The following ZFP62 variants were observed in gnomAD, a reference collection of about 807,000 sequenced individuals.
ZFP62 encodes zinc finger protein 62 homolog.
In ZFP62, 44 loss-of-function variants were observed where a neutral mutation model predicts 56.4. That is an observed-to-expected ratio of 0.78 (90% confidence interval 0.61 to 1.00). The LOEUF (loss-of-function observed/expected upper bound fraction) is 1.00. Among genes scored for constraint, ZFP62 ranks in the 50% least tolerant of loss-of-function variants. ZFP62 has a pLI of 0.00. For missense variants in ZFP62, 1,030 were observed against 1,085.7 expected (o/e 0.95, Z 0.72); for synonymous variants, 421 against 388.9 (o/e 1.08, Z -0.97).
the ZFP62 span, chr5:180,831,320 G>C: frequency 6.6e-6 from 1 of 152,374 alleles, no homozygotes; most frequent in African/African-American, 2.4e-5. Context: ...TCCTCCGCTT[G>C]CGGGAGCCGG....
At chr5:180,842,398 C>T in the ZFP62 span, among the ~76,000 whole-genome samples, 2 of 152,092 alleles carry the variant, frequency 1.3e-5, no homozygotes, top group African/African-American at 2.4e-5. Context: ...AAAAAAGGAT[C>T]ACTTATAAAA....
At chr5:180,838,460 G>A in the ZFP62 span, among the ~76,000 whole-genome samples, 1 of 152,200 alleles carries the variant, frequency 6.6e-6, no homozygotes, top group African/African-American at 2.4e-5. Context: ...TGAAATCTTT[G>A]CTCTAAAGGA....
Position 180,849,578 on chromosome 5 carries a change from G to A in ZFP62, c.1917C>T (p.His639=). ...CACATTCATAGGGTTTCTCTCTAGT[G>A]TGGACCCTTCTGTGCTGAGAAAGGA... ...TSLLSQHRRV[H]TREKPYECDR... Residue 639 remains histidine (H), a synonymous_variant, in exon 2 of 2, where the codon CAC becomes CAT. Coordinates refer to ENST00000502412, the MANE Select transcript of ZFP62 (RefSeq NM_001172638.2). The A allele has an allele frequency of 6.4e-7, 1 of 1,552,116 alleles. No individual in the cohort carries two copies. Among genetic ancestry groups the A allele is most frequent in the Non-Finnish European group, 8.7e-7 (1 of 1,147,112 alleles).
chr5:180,858,870 C>T (rs1250772063), intron 1 of ZFP62, among the ~76,000 whole-genome samples: 1 of 152,304 alleles, frequency 6.6e-6, no homozygotes, highest in African/African-American at 2.4e-5. Flanking sequence ...TTTCAACACG[C>T]AGCATGAGTC....
At position 180,847,690 on chromosome 5, in the gene ZFP62, G is replaced by C. The variant is rs1468634952; in HGVS notation, c.*1102C>G. 1.0e-6 allele frequency: 1 copy of C among 985,300 alleles called. No individual in the cohort carries two copies. The highest frequency in any genetic ancestry group is 1.2e-6 in the Non-Finnish European group (1 of 829,932). The allele number at this position is 985,300 out of a possible 1,614,324, so 61.0% of individuals were successfully genotyped here. On this transcript the variant is annotated 3_prime_UTR_variant, in exon 2 of 2. Coordinates refer to ENST00000502412, the MANE Select transcript of ZFP62 (RefSeq NM_001172638.2). ...CTGGCTTTCATGACAAAGAGAGAGT[G>C]AGCCCTGAACAAAGTATTCGTTAAC...
At position 180,848,991 on chromosome 5, in the gene ZFP62, G is replaced by A. The variant is rs767145674; in HGVS notation, c.2504C>T (p.Thr835Ile). ...ATTACATCGGTATGGCTTCTTTCCAGTGTGGATCCTTTTGTGCTGGTCAAG... is the reference window on the plus strand; with the variant it reads ...ATTACATCGGTATGGCTTCTTTCCAATGTGGATCCTTTTGTGCTGGTCAAG... ...SVLDQHKRIH[T>I]GKKPYRCNEC... is the part of the protein sequence containing the mutation. The change falls in exon 2 of 2, where the codon ACT becomes ATT. Residue 835 changes from threonine to isoleucine, a missense_variant. Thr to Ile is a moderately conservative substitution (Grantham distance 89). Transcript: ENST00000502412. 6 of 1,551,720 alleles carry A rather than the reference G, an allele frequency of 3.9e-6. 1 individual carries two copies. The South Asian group carries it at 4.8e-5, about 12-fold the overall frequency.
rs780787070 is a variant in ZFP62, at chr5:180,850,061, C to T, written c.1434G>A (p.Lys478=). ...TATAGGCTTTCCCACACACATCACA[C>T]TTATATGGTTTTTCCCCAGTATGGA... ...RRLHTGEKPY[K]CDVCGKAYIS... is the part of the protein sequence containing the mutation. The change falls in exon 2 of 2, where the codon AAG becomes AAA. Residue 478 remains lysine, a synonymous_variant. Coordinates refer to ENST00000502412, the MANE Select transcript of ZFP62 (RefSeq NM_001172638.2). 11 of 1,551,614 alleles carry T rather than the reference C, an allele frequency of 7.1e-6. No individual in the cohort carries two copies. The highest frequency in any genetic ancestry group is 9.6e-6 in the Non-Finnish European group (11 of 1,147,030).
At chr5:180,844,008 GA>G (rs1773364007), downstream of ZFP62, among the ~76,000 whole-genome samples, 1 of 152,170 alleles carries the variant, frequency 6.6e-6, no homozygotes, top group South Asian at 2.1e-4. Context: ...AATCTGTTGT[GA>G]TTTCCCAATT....
chr5:180,858,274 A>AG (rs1774109101), intron 1 of ZFP62, among the ~76,000 whole-genome samples: 1 of 109,786 alleles, frequency 9.1e-6, no homozygotes, highest in Non-Finnish European at 1.8e-5. Flanking sequence ...AAAAAAAAAA[A>AG]AAAAGAAAAA....
chr5:180,850,524 A>C lies in ZFP62; in HGVS notation c.971T>G (p.Leu324Arg). The change falls in exon 2 of 2, where the codon CTT (leucine) becomes CGT (arginine). Residue 324 changes from leucine (L) to arginine (R), a missense_variant. Transcript: ENST00000502412. ...AAAGTGGATGCTTTTATGGTTGAGA[A>C]GTGTTCTACAAGTAATGAAGGCCTT... ...CGKAFITCRTLLNHKSIHFGD... is the reference protein window; with the variant it reads ...CGKAFITCRTRLNHKSIHFGD... 6.4e-7 allele frequency: 1 copy of C among 1,553,636 alleles called. No individual in the cohort carries two copies. Among genetic ancestry groups the C allele is most frequent in the Non-Finnish European group, 8.7e-7 (1 of 1,148,134 alleles).
chr5:180,838,077 A>G, the ZFP62 span, among the ~76,000 whole-genome samples: 1 of 152,206 alleles, frequency 6.6e-6, no homozygotes, highest in East Asian at 1.9e-4. Context: ...GAAATCTTAA[A>G]TTTCTACTAA....
chr5:180,840,307 TGAG>T, the ZFP62 span, among the ~76,000 whole-genome samples: 3 of 152,094 alleles, frequency 2.0e-5, no homozygotes, highest in African/African-American at 7.2e-5. Context: ...CAGAGGGAGT[TGAG>T]GAGCTGGGGA....
rs1561900103 is a variant in ZFP62, at chr5:180,847,891, A to G, written c.*901T>C. On this transcript the variant is annotated 3_prime_UTR_variant, in exon 2 of 2. Transcript: ENST00000502412. ...AAATGCGTTCCTTCTCAGCATTTCT[A>G]TTCATAGGAATCCCTGAATCACTTC... The G allele has an allele frequency of 1.0e-6, 1 of 985,458 alleles. No individual in the cohort carries two copies. Among genetic ancestry groups the G allele is most frequent in the Non-Finnish European group, 1.2e-6 (1 of 829,942 alleles). The allele number at this position is 985,458 out of a possible 1,614,324, so 61.0% of individuals were successfully genotyped here. A position where few individuals can be genotyped will look rare whatever the true frequency, so the allele number is the denominator to read the frequency against.
chr5:180,840,222 A>G, the ZFP62 span, among the ~76,000 whole-genome samples: 8 of 152,304 alleles, frequency 5.3e-5, no homozygotes, highest in East Asian at 3.9e-4. Context: ...GGTCTTAGCC[A>G]AGGCCTAGTT....
rs959916314 is a variant in ZFP62 at position 180,847,840 on chromosome 5, A to G, written c.*952T>C. The stretch of plus-strand genomic sequence containing the variant: ...ATTTCCTTCTCTCTAGATGACTGGT[A>G]CTTTAGCTTTTTAGCTTCTGCAATA... On this transcript the variant is annotated 3_prime_UTR_variant, in exon 2 of 2. Transcript: ENST00000502412. 1.0e-6 allele frequency: 1 copy of G among 985,344 alleles called. No individual in the cohort carries two copies. Among genetic ancestry groups the G allele is most frequent in the African/African-American group, 1.7e-5 (1 of 57,256 alleles). 61.0% of individuals were successfully genotyped at this position (985,344 alleles called of 1,614,324 possible).
chr5:180,834,028 C>T, the ZFP62 span, among the ~76,000 whole-genome samples: 27 of 152,188 alleles, frequency 1.8e-4, no homozygotes, highest in East Asian at 4.5e-3. Flanking sequence ...ACTGAATGCT[C>T]GTCTGCCCCC....
intron 1 of ZFP62, among the ~76,000 whole-genome samples, chr5:180,855,968 A>G (rs1020124125): frequency 6.6e-6 from 1 of 152,216 alleles, no homozygotes; most frequent in African/African-American, 2.4e-5. Flanking sequence ...CCGCCTGTGC[A>G]ACTGTCAACC....
intron 1 of ZFP62, among the ~76,000 whole-genome samples, chr5:180,860,999 T>C (rs936029377): frequency 6.6e-6 from 1 of 152,100 alleles, no homozygotes; most frequent in African/African-American, 2.4e-5. Context: ...CAGAGCCCAG[T>C]CTGTTCCAGG....
intron 1 of ZFP62, among the ~76,000 whole-genome samples, chr5:180,855,040 C>T (rs1773898243): frequency 6.6e-6 from 1 of 152,180 alleles, no homozygotes; most frequent in South Asian, 2.1e-4. Flanking sequence ...CTGTAGTTAT[C>T]TATGAGACTA....
Sources: allele counts gnomAD v4.1 joint callset (sites outside exome capture counted in the v4.1 genomes callset), GRCh38; gene constraint gnomAD v4.1.1; transcripts MANE v1.5; gene names NCBI Gene and HGNC (gene_info 2026-07-23, HGNC 2026-07-21).